Variants in SYCP1 observed in about 807,000 individuals in gnomAD.
SYCP1 encodes the protein synaptonemal complex protein 1.
SYCP1 carries 64 observed loss-of-function variants against 153.1 expected under a neutral mutation model. The observed-to-expected ratio is 0.42, with a 90% CI of 0.34 to 0.51. The LOEUF is 0.51. SYCP1 is among the 20% of genes least tolerant of loss of function. The pLI is 0.06. For missense variants in SYCP1, 997 were observed against 1,049.0 expected (o/e 0.95, Z 0.68); for synonymous variants, 384 against 341.8 (o/e 1.12, Z -1.36).
chr1:114,909,667 G>C (rs1668056726), intron 16 of SYCP1, among the ~76,000 whole-genome samples: 1 of 152,082 alleles, frequency 6.6e-6, no homozygotes, highest in African/African-American at 2.4e-5. Context: ...CCTTCAAATG[G>C]AGACATAAAA....
In SYCP1 at chr1:114,944,923, A is replaced by C; in HGVS notation, c.2095A>C (p.Ile699Leu). 1 of 1,606,336 alleles carries C rather than the reference A, an allele frequency of 6.2e-7. No individual in the cohort carries two copies. The highest frequency in any genetic ancestry group is 8.5e-7 in the Non-Finnish European group (1 of 1,177,134). ...TGAAGCAGTAAAATTACAGAAAGAA[A>C]TTGATAAGCGATGTCAACATAAAAT... is the stretch of plus-strand genomic sequence containing the variant. ...ADEAVKLQKEIDKRCQHKIAE... is the reference protein window; with the variant it reads ...ADEAVKLQKELDKRCQHKIAE... The change falls in exon 25 of 32, where the codon ATT (isoleucine) becomes CTT (leucine). Residue 699 changes from isoleucine (I) to leucine (L), a missense_variant. By Grantham distance (5) the Ile-to-Leu change is conservative (BLOSUM62 2). Around this residue, in one of 2 missense-constraint regions of SYCP1, gnomAD observed 712 missense variants for 682.9 expected, o/e 1.04. Coordinates refer to ENST00000369522, the MANE Select transcript of SYCP1 (RefSeq NM_003176.4).
At chr1:114,902,161 A>G (rs1404174420) in intron 16 of SYCP1, among the ~76,000 whole-genome samples, 1 of 152,096 alleles carries the variant, frequency 6.6e-6, no homozygotes, top group South Asian at 2.1e-4. Context: ...AGAAAAGGCC[A>G]TGGAAAGGCT....
intron 20 of SYCP1, among the ~76,000 whole-genome samples, chr1:114,919,433 A>G (rs1301224360): frequency 8.6e-5 from 13 of 151,990 alleles, no homozygotes; most frequent in Admixed American, 8.5e-4. Context: ...TTTTGCATCA[A>G]TGTTCATCAG....
At chr1:114,965,569 G>C (rs530054651) in intron 27 of SYCP1, among the ~76,000 whole-genome samples, 11 of 152,156 alleles carry the variant, frequency 7.2e-5, no homozygotes, top group South Asian at 4.1e-4. Context: ...TAGCATGAAG[G>C]GGTGTTGAAT....
intron 12 of SYCP1, among the ~76,000 whole-genome samples, chr1:114,881,531 CCTTCCTTCCTTT>C (rs1211018535): frequency 5.9e-5 from 9 of 151,656 alleles, no homozygotes; most frequent in South Asian, 2.1e-4. Flanking sequence ...TTCCTTCCTT[CCTTCCTTCCTTT>C]CTTGATGGAG....
intron 27 of SYCP1, among the ~76,000 whole-genome samples, chr1:114,956,144 TTCCTTGTGCTG>T (rs1671419370): frequency 6.6e-6 from 1 of 152,070 alleles, no homozygotes; most frequent in Admixed American, 6.6e-5. Flanking sequence ...ACCAACCTCT[TTCCTTGTGCTG>T]TCTCTGAGAT....
chr1:114,907,561 A>G (rs914617050), intron 16 of SYCP1, among the ~76,000 whole-genome samples: 1 of 149,072 alleles, frequency 6.7e-6, no homozygotes, highest in African/African-American at 2.5e-5. Flanking sequence ...ATATTGTACC[A>G]CTTCATGTTA....
intron 20 of SYCP1, among the ~76,000 whole-genome samples, chr1:114,915,136 C>T (rs946074679): frequency 6.6e-6 from 1 of 151,386 alleles, no homozygotes. Context: ...AAAAAATCAC[C>T]AAAAACCTAG....
At chr1:114,898,445 A>T (rs976088636) in intron 16 of SYCP1, among the ~76,000 whole-genome samples, 2 of 152,204 alleles carry the variant, frequency 1.3e-5, no homozygotes, top group Non-Finnish European at 2.9e-5. Flanking sequence ...GATTTGCAAG[A>T]TAATTGCTCA....
intron 27 of SYCP1, among the ~76,000 whole-genome samples, chr1:114,959,548 A>T (rs1315681237): frequency 6.6e-6 from 1 of 152,232 alleles, no homozygotes; most frequent in Non-Finnish European, 1.5e-5. Flanking sequence ...TGAGGTATCC[A>T]TCACCTCAAG....
intron 27 of SYCP1, among the ~76,000 whole-genome samples, chr1:114,969,099 A>C (rs1025903409): frequency 2.6e-5 from 4 of 152,096 alleles, no homozygotes; most frequent in Non-Finnish European, 5.9e-5. Context: ...GAGTCTTCCT[A>C]TATGAGGTGT....
At chr1:114,856,346 G>A (rs1360736257) in intron 2 of SYCP1, among the ~76,000 whole-genome samples, 1 of 152,048 alleles carries the variant, frequency 6.6e-6, no homozygotes, top group Non-Finnish European at 1.5e-5. Flanking sequence ...CATATATTGA[G>A]TAATTTATAG....
chr1:114,957,949 A>G (rs1671541481), intron 27 of SYCP1, among the ~76,000 whole-genome samples: 1 of 152,200 alleles, frequency 6.6e-6, no homozygotes, highest in African/African-American at 2.4e-5. Context: ...ATCCAAAAGA[A>G]AGGAAATCAG....
At chr1:114,886,048 A>G (rs980908592) in intron 13 of SYCP1, 77 bp from the exon 14 acceptor site, 9 of 945,666 alleles carry the variant, frequency 9.5e-6, no homozygotes, top group Non-Finnish European at 1.4e-5. Context: ...CAGTGAATGT[A>G]TAGAAGCAGA....
At chr1:114,906,629 T>G (rs1320362672) in intron 16 of SYCP1, among the ~76,000 whole-genome samples, 2 of 152,228 alleles carry the variant, frequency 1.3e-5, no homozygotes, top group African/African-American at 4.8e-5. Context: ...TAGAAGTCTA[T>G]TGTTCAATTT....
At chr1:114,904,999 A>T (rs1227860222) in intron 16 of SYCP1, among the ~76,000 whole-genome samples, 2 of 152,218 alleles carry the variant, frequency 1.3e-5, no homozygotes, top group Non-Finnish European at 2.9e-5. Context: ...ATTTACAAAT[A>T]TTGAATGAAC....
In SYCP1 at chr1:114,887,626, A is replaced by G; in HGVS notation, c.1191A>G (p.Arg397=). The change falls in exon 15 of 32, where the codon AGA becomes AGG. Residue 397 remains arginine (R), a splice_region_variant and synonymous_variant. Transcript: ENST00000369522. ...TATTGAAAATGATATATTTTACAAG[A>G]TTGGAAAAAAATGAAGATCAATTGA... ...LEELLRTEQQ[R]LEKNEDQLKI... 2 of 1,546,780 alleles carry G rather than the reference A, an allele frequency of 1.3e-6. No homozygotes were observed. The highest frequency in any genetic ancestry group is 1.8e-6 in the Non-Finnish European group (2 of 1,137,622).
intron 15 of SYCP1, among the ~76,000 whole-genome samples, chr1:114,891,758 C>T (rs1666715271): frequency 6.6e-6 from 1 of 152,104 alleles, no homozygotes; most frequent in Non-Finnish European, 1.5e-5. Flanking sequence ...CTTTGATTAT[C>T]AGATATATAA....
intron 23 of SYCP1, among the ~76,000 whole-genome samples, chr1:114,933,518 G>A (rs972313042): frequency 1.3e-5 from 2 of 151,980 alleles, no homozygotes; most frequent in East Asian, 3.9e-4. Context: ...GCAGCTCCTC[G>A]CCAGCAATGG....
Sources: gnomAD v4.1 joint callset for allele counts (sites outside exome capture counted in the v4.1 genomes callset) on GRCh38, gnomAD v4.1.1 for gene constraint, gnomAD v4.1.1 regional missense constraint, MANE v1.5 for transcripts, NCBI Gene and HGNC (gene_info 2026-07-23, HGNC 2026-07-21) for gene names.